Variants in PPP2R5A observed in about 807,000 individuals in gnomAD.
PPP2R5A encodes protein phosphatase 2 regulatory subunit B'alpha, also known as serine/threonine-protein phosphatase 2A 56 kDa regulatory subunit alpha isoform.
In PPP2R5A, 25 loss-of-function variants were observed where a neutral mutation model predicts 64.2. The ratio of observed to expected loss-of-function variants is 0.39; its 90% CI spans 0.28 to 0.54. The LOEUF is 0.54. PPP2R5A is among the 20% of genes least tolerant of loss of function. The pLI, the probability that PPP2R5A is intolerant of heterozygous loss-of-function variation, is 0.67. For synonymous variants in PPP2R5A, 198 were observed against 201.2 expected (o/e 0.98, Z 0.13); for missense variants, 425 against 576.3 (o/e 0.74, Z 2.69).
At chr1:212,296,193 A>T (rs879641755) in intron 1 of PPP2R5A, among the ~76,000 whole-genome samples, 10 of 141,644 alleles carry the variant, frequency 7.1e-5, no homozygotes, top group Admixed American at 6.9e-4. Context: ...GGTGGATAGG[A>T]ATGTGTCCCA....
At chr1:212,298,917 G>A (rs1213628863) in intron 1 of PPP2R5A, among the ~76,000 whole-genome samples, 1 of 26,688 alleles carries the variant, frequency 3.7e-5, no homozygotes, top group Non-Finnish European at 7.0e-5. Context: ...GCGGCTGGCC[G>A]GGCGGGGGGT....
Position 212,345,775 on chromosome 1 carries a change from A to G in PPP2R5A, c.574-28A>G, listed in dbSNP as rs1268164746. The stretch of plus-strand genomic sequence containing the variant: ...AAAGCTTTAGCTCGATTATTTTTTA[A>G]AAGTAATTTCTCAGGTTTCTTTTAA... On this transcript the variant is annotated intron_variant, in intron 4 of 12. Transcript: ENST00000261461. 5 of 1,572,642 alleles carry G rather than the reference A, an allele frequency of 3.2e-6. No homozygotes were observed. The African/African-American group carries it at 4.2e-5, about 13-fold the overall frequency.
intron 5 of PPP2R5A, 35 bp downstream of exon 5, chr1:212,345,968 C>T: frequency 6.5e-7 from 1 of 1,529,400 alleles, no homozygotes; most frequent in Non-Finnish European, 8.9e-7. Flanking sequence ...TGCACCTTTT[C>T]CTCCTACATA....
Position 212,299,047 on chromosome 1 carries a change from ACC to A in PPP2R5A, c.181+12767_181+12768del, listed in dbSNP as rs1192271521. Among the ~76,000 whole-genome samples the A allele has an allele frequency of 2.9e-4, 2 of 6,926 alleles. 1 individual carries two copies. Among genetic ancestry groups the A allele is most frequent in the Admixed American group, 2.8e-3 (2 of 704 alleles). The allele number at this position is 6,926 out of a possible 152,430, so 4.5% of individuals were successfully genotyped here. On this transcript the variant is annotated intron_variant, in intron 1 of 12. Coordinates refer to ENST00000261461, the MANE Select transcript of PPP2R5A (RefSeq NM_006243.4). ...CTCCCGGCCGGGGCGGCTGGCCGAC[ACC>A]CCCCCCCCCCGCCTCCCTCCCGGAC...
intron 1 of PPP2R5A, chr1:212,309,014 GAT>G (rs142628630): frequency 3.0e-3 from 1,890 of 620,756 alleles, no homozygotes; most frequent in East Asian, 3.8e-3. Context: ...ATGGTGAAAA[GAT>G]ATATATATAT....
At position 212,306,262 on chromosome 1, in the gene PPP2R5A, G is replaced by A. The variant is rs372397613; in HGVS notation, c.181+19971G>A. 1.1e-4 allele frequency among the ~76,000 whole-genome samples: 16 copies of A among 152,228 alleles called. No individual in the cohort carries two copies. The East Asian group carries it at 1.2e-3, about 11-fold the overall frequency. On this transcript the variant is annotated intron_variant, in intron 1 of 12. Coordinates refer to ENST00000261461, the MANE Select transcript of PPP2R5A (RefSeq NM_006243.4). ...TTAGTCCTCTTTCCAAATAAGGAAA[G>A]GAATGTGAGCTGGTACTGATAACAC... is the stretch of plus-strand genomic sequence containing the variant.
At chr1:212,303,452 G>C (rs1040679166) in intron 1 of PPP2R5A, among the ~76,000 whole-genome samples, 1 of 151,570 alleles carries the variant, frequency 6.6e-6, no homozygotes, top group Non-Finnish European at 1.5e-5. Flanking sequence ...TTTTTATCGA[G>C]TTGTAAGAAT....
chr1:212,322,281 GA>G (rs1659320560), intron 1 of PPP2R5A, among the ~76,000 whole-genome samples: 2 of 135,530 alleles, frequency 1.5e-5, no homozygotes, highest in Non-Finnish European at 3.2e-5. Flanking sequence ...AGAGGGAGAG[GA>G]GGGAGAGGGA....
chr1:212,356,606 A>C lies in PPP2R5A; in HGVS notation c.928-20A>C. 6.2e-7 allele frequency: 1 copy of C among 1,606,050 alleles called. No individual in the cohort carries two copies. Among genetic ancestry groups the C allele is most frequent in the Non-Finnish European group, 8.5e-7 (1 of 1,177,128 alleles). ...CTAGCTTTGTTATTAAATTCATGCT[A>C]AACTTTTTCTTTTTCGCAGGTGATC... On this transcript the variant is annotated intron_variant, in intron 8 of 12. Coordinates refer to ENST00000261461, the MANE Select transcript of PPP2R5A (RefSeq NM_006243.4).
intron 2 of PPP2R5A, among the ~76,000 whole-genome samples, chr1:212,330,243 G>A (rs901516061): frequency 1.9e-4 from 29 of 151,946 alleles, no homozygotes. Context: ...TAAAAATTCA[G>A]GCCAGTGCAG....
intron 1 of PPP2R5A, among the ~76,000 whole-genome samples, chr1:212,311,157 C>G (rs1334865337): frequency 6.6e-6 from 1 of 152,224 alleles, no homozygotes; most frequent in South Asian, 2.1e-4. Context: ...TGTAAAAAAA[C>G]CAGCTGCACT....
chr1:212,333,582 C>G lies in PPP2R5A; in HGVS notation c.464C>G (p.Ser155Cys). Reference protein sequence around the residue: ...PEEDEPTLEASWPHIQLVYEF... With the variant: ...PEEDEPTLEACWPHIQLVYEF... Reference sequence around the variant, plus strand: ...GAGGATGAACCCACGCTTGAGGCCTCTTGGCCTCACATACAGGTATGGAAC... The same window carrying G: ...GAGGATGAACCCACGCTTGAGGCCTGTTGGCCTCACATACAGGTATGGAAC... Residue 155 changes from serine (S) to cysteine (C), a missense_variant, in exon 3 of 13, where the codon TCT (serine) becomes TGT (cysteine). Physicochemically the swap from Ser to Cys is moderately radical, Grantham distance 112 (BLOSUM62 -1). Coordinates refer to ENST00000261461, the MANE Select transcript of PPP2R5A (RefSeq NM_006243.4). 1 of 1,549,390 alleles carries G rather than the reference C, an allele frequency of 6.5e-7. No individual in the cohort carries two copies. Among genetic ancestry groups the G allele is most frequent in the Non-Finnish European group, 8.8e-7 (1 of 1,133,990 alleles).
intron 2 of PPP2R5A, among the ~76,000 whole-genome samples, chr1:212,332,097 C>A (rs1309383450): frequency 1.3e-5 from 2 of 152,134 alleles, no homozygotes; most frequent in African/African-American, 4.8e-5. Context: ...CAAATTGTAT[C>A]GATGGCTTGC....
intron 1 of PPP2R5A, among the ~76,000 whole-genome samples, chr1:212,288,906 C>T (rs1375567488): frequency 1.3e-5 from 2 of 152,164 alleles, no homozygotes; most frequent in Non-Finnish European, 2.9e-5. Flanking sequence ...TGGAAAGGTG[C>T]CAACTAGTTT....
At chr1:212,320,490 C>G (rs1659251991) in intron 1 of PPP2R5A, among the ~76,000 whole-genome samples, 1 of 152,140 alleles carries the variant, frequency 6.6e-6, no homozygotes. Flanking sequence ...GGTGGCTGGA[C>G]AGAGGGGCTC....
rs1293460452 is a variant in PPP2R5A, at chr1:212,285,923, G to T, written c.-188G>T. 7.9e-6 allele frequency: 4 copies of T among 504,664 alleles called. No individual in the cohort carries two copies. In the South Asian group the frequency reaches 1.4e-4, roughly 17 times the overall value. 31.3% of individuals were successfully genotyped at this position (504,664 alleles called of 1,614,324 possible). The stretch of plus-strand genomic sequence containing the variant: ...GGGGACCAGGAACCTCCAGCGCTGA[G>T]ATGTGGCCGTGAGGCGTTGGCGGGC... On this transcript the variant is annotated 5_prime_UTR_variant, in exon 1 of 13. Coordinates refer to ENST00000261461, the MANE Select transcript of PPP2R5A (RefSeq NM_006243.4).
rs760388772 is a variant in PPP2R5A, at chr1:212,357,332, T to C, written c.1226+48T>C. The C allele has an allele frequency of 5.7e-6, 8 of 1,394,340 alleles. No individual in the cohort carries two copies. The Admixed American group carries it at 1.4e-4, about 25-fold the overall frequency. The allele number at this position is 1,394,340 out of a possible 1,614,324, so 86.4% of individuals were successfully genotyped here. A position where few individuals can be genotyped will look rare whatever the true frequency, so the allele number is the denominator to read the frequency against. On this transcript the variant is annotated intron_variant, in intron 11 of 12. Coordinates refer to ENST00000261461, the MANE Select transcript of PPP2R5A (RefSeq NM_006243.4). ...GTATTTTTTTCTTTTTTTTTTTTTA[T>C]ATCTTTTTGTTATTGATTTCCTAAC...
Position 212,348,509 on chromosome 1 carries a change from A to G in PPP2R5A, c.873+12A>G. On this transcript the variant is annotated intron_variant, in intron 7 of 12. Transcript: ENST00000261461. Reference sequence around the variant, plus strand: ...TGTTTCATGCTCAGGTAAGTTTCAGAAACATTTCAGATGAAATGAATATTA... The same window carrying G: ...TGTTTCATGCTCAGGTAAGTTTCAGGAACATTTCAGATGAAATGAATATTA... 6.6e-7 allele frequency: 1 copy of G among 1,506,588 alleles called. No homozygotes were observed. The highest frequency in any genetic ancestry group is 9.2e-7 in the Non-Finnish European group (1 of 1,092,486). The allele number at this position is 1,506,588 out of a possible 1,614,324, so 93.3% of individuals were successfully genotyped here.
In PPP2R5A at chr1:212,357,148, T is replaced by C. The variant is rs933378909; in HGVS notation, c.1099-9T>C. 3.2e-6 allele frequency: 5 copies of C among 1,573,558 alleles called. 1 individual carries two copies. In the Admixed American group the frequency reaches 9.7e-5, roughly 31 times the overall value. On this transcript the variant is annotated splice_polypyrimidine_tract_variant and intron_variant, in intron 10 of 12. Coordinates refer to ENST00000261461, the MANE Select transcript of PPP2R5A (RefSeq NM_006243.4). ...TAGTTTTGACATTTCTCTAAATGTC[T>C]TTTTTTAGGTTGCAGAAAGGGCATT... is the stretch of plus-strand genomic sequence containing the variant.
Sources: gnomAD v4.1 joint callset for allele counts (sites outside exome capture counted in the v4.1 genomes callset) on GRCh38, gnomAD v4.1.1 for gene constraint, MANE v1.5 for transcripts, NCBI Gene and HGNC (gene_info 2026-07-23, HGNC 2026-07-21) for gene names.